The following NXT2 variants were observed in gnomAD, a reference collection of about 807,000 sequenced individuals.
NXT2 encodes the protein nuclear transport factor 2 like export factor 2, also known as NTF2-related export protein 2.
NXT2 carries 1 observed loss-of-function variant against 9.6 expected under a neutral mutation model. The observed-to-expected ratio is 0.10, with a 90% CI of 0.04 to 0.49. NXT2 has a LOEUF of 0.49. NXT2 is among the 20% of genes least tolerant of loss of function. NXT2 has a pLI of 0.95. For synonymous variants in NXT2, 22 were observed against 35.4 expected (o/e 0.62, Z 1.34); for missense variants, 48 against 100.3 (o/e 0.48, Z 2.23).
In NXT2 at chrX:109,538,066, C is replaced by A; in HGVS notation, c.37C>A (p.Gln13Lys). ...GTAGGATTTTAAAACTTATGTAGAT[C>A]AGGCATGTAGAGCTGCTGAGGAGTT... Reference protein sequence around the residue: ...TSLDFKTYVDQACRAAEEFVN... With the variant: ...TSLDFKTYVDKACRAAEEFVN... The change falls in exon 2 of 4, where the codon CAG becomes AAG. Residue 13 changes from glutamine to lysine, a missense_variant. Gln to Lys is a moderately conservative substitution (Grantham distance 53). Transcript: ENST00000372106. 8.3e-7 allele frequency: 1 copy of A among 1,198,425 alleles called. No individual in the cohort carries two copies. Among genetic ancestry groups the A allele is most frequent in the Non-Finnish European group, 1.1e-6 (1 of 884,130 alleles).
intron 1 of NXT2, among the ~76,000 whole-genome samples, chrX:109,537,642 AAAC>A (rs1425104455): frequency 1.8e-5 from 2 of 111,362 alleles, no homozygotes. Flanking sequence ...TGAAAACAGA[AAAC>A]AATTTCCTAG....
At chrX:109,538,278 G>T (rs1933331672) in intron 2 of NXT2, 147 bp downstream of exon 2, 2 of 384,620 alleles carry the variant, frequency 5.2e-6, no homozygotes, top group Non-Finnish European at 8.8e-6. Context: ...GGAAGGATTG[G>T]TATGGCATTA....
At chrX:109,542,189 T>C (rs1379876504) in intron 3 of NXT2, among the ~76,000 whole-genome samples, 1 of 111,407 alleles carries the variant, frequency 9.0e-6, no homozygotes, top group African/African-American at 3.3e-5. Flanking sequence ...ATGAATAAGC[T>C]CTGTTAGAAA....
intron 2 of NXT2, among the ~76,000 whole-genome samples, chrX:109,540,488 C>T (rs1263210037): frequency 9.1e-6 from 1 of 109,480 alleles, no homozygotes; most frequent in South Asian, 4.0e-4. Context: ...CCACCACGCC[C>T]GGCTAATTTT....
intron 1 of NXT2, chrX:109,537,279 TTTATGGCTTGCAGTTTCTTTCTCTC>T (rs1220873853): frequency 2.1e-6 from 2 of 969,820 alleles, no homozygotes; most frequent in Non-Finnish European, 2.6e-6. Flanking sequence ...GGGTTTGTTG[TTTATGGCTTGCAGTTTCTTTCTCTC>T]GATTATCTTC....
intron 2 of NXT2, among the ~76,000 whole-genome samples, chrX:109,540,802 T>C (rs185658132): frequency 4.3e-4 from 48 of 111,680 alleles, no homozygotes; most frequent in Admixed American, 2.6e-3. Flanking sequence ...AGAGTAGTAC[T>C]ATAGCCGAGC....
At chrX:109,537,185 G>T in intron 1 of NXT2, 164 bp downstream of exon 1, 1 of 1,054,185 alleles carries the variant, frequency 9.5e-7, no homozygotes, top group Non-Finnish European at 1.2e-6. Flanking sequence ...CGCCCTGCCG[G>T]CCCCACCCCC....
At chrX:109,537,382 A>T (rs970173281) in intron 1 of NXT2, 428 of 810,198 alleles carry the variant, frequency 5.3e-4, no homozygotes, top group Non-Finnish European at 6.1e-4. Context: ...ATTTAGTAAT[A>T]GACTGGGCCC....
At chrX:109,542,485 T>C (rs771270750) in intron 3 of NXT2, 22 bp from the exon 4 acceptor site, 1 of 1,143,603 alleles carries the variant, frequency 8.7e-7, no homozygotes, top group Non-Finnish European at 1.2e-6. Context: ...TGTGTTCTCT[T>C]TTTTTTTTAA....
upstream of NXT2, chrX:109,535,841 C>A: frequency 9.7e-7 from 1 of 1,029,771 alleles, no homozygotes; most frequent in Non-Finnish European, 1.3e-6. Flanking sequence ...GTTAGTCCTA[C>A]CTTGAAGAGA....
rs139869080 is a variant in NXT2 at position 109,541,609 on chromosome X, A to G, written c.237A>G (p.Gln79=). ...TCCAGGTCAATATGTTAGATTGCCA[A>G]CCAGTTCATGGTAAGATCATGATCT... The part of the protein sequence containing the change: ...SEFQVNMLDC[Q]PVHEQATQSQ... The change falls in exon 3 of 4, where the codon CAA becomes CAG. Residue 79 remains glutamine, a synonymous_variant. Transcript: ENST00000372106. 5.8e-6 allele frequency: 7 copies of G among 1,202,860 alleles called. No individual in the cohort carries two copies. The African/African-American group carries it at 7.0e-5, about 12-fold the overall frequency.
intron 2 of NXT2, among the ~76,000 whole-genome samples, chrX:109,540,812 C>G (rs1933403312): frequency 3.6e-5 from 4 of 111,446 alleles, no homozygotes; most frequent in African/African-American, 1.3e-4. Flanking sequence ...TATAGCCGAG[C>G]ATGGTATGAC....
chrX:109,537,402 A>G, intron 1 of NXT2: 3 of 777,840 alleles, frequency 3.9e-6, no homozygotes, highest in Non-Finnish European at 4.6e-6. Flanking sequence ...CCGTACATGA[A>G]TGAGAAGGAA....
chrX:109,540,312 CT>C (rs1277553349), intron 2 of NXT2, among the ~76,000 whole-genome samples: 1 of 109,084 alleles, frequency 9.2e-6, no homozygotes, highest in Non-Finnish European at 1.9e-5. Context: ...ATGTGTTGAC[CT>C]TTTTTTTTAT....
upstream of NXT2, chrX:109,535,934 A>C (rs763291868): frequency 8.3e-7 from 1 of 1,207,057 alleles, no homozygotes; most frequent in Non-Finnish European, 1.1e-6. Flanking sequence ...AGGATACCAA[A>C]GAAGAAGTAA....
chrX:109,543,860 A>AT lies in NXT2; in HGVS notation c.*1178dup, dbSNP rs894906686. 8 of 111,674 alleles carry AT rather than the reference A, an allele frequency of 7.2e-5. No homozygotes were observed. Among genetic ancestry groups the AT allele is most frequent in the African/African-American group, 2.6e-4 (8 of 30,756 alleles). 9.2% of individuals were successfully genotyped at this position (111,674 alleles called of 1,213,427 possible). A position where few individuals can be genotyped will look rare whatever the true frequency, so the allele number is the denominator to read the frequency against. On this transcript the variant is annotated 3_prime_UTR_variant, in exon 4 of 4. Transcript: ENST00000372106. The stretch of plus-strand genomic sequence containing the variant: ...GTATCACACATCCCCCAAATAAGTG[A>AT]TTTTTTCCCAGTGCTTTGTACTGTC...
At position 109,537,204 on chromosome X, in the gene NXT2, T is replaced by G. The variant is rs1933297448; in HGVS notation, c.15+183T>G. 4 of 1,033,374 alleles carry G rather than the reference T, an allele frequency of 3.9e-6. No individual in the cohort carries two copies. In the East Asian group the frequency reaches 1.5e-4, roughly 39 times the overall value. The allele number at this position is 1,033,374 out of a possible 1,213,427, so 85.2% of individuals were successfully genotyped here. A position where few individuals can be genotyped will look rare whatever the true frequency, so the allele number is the denominator to read the frequency against. On this transcript the variant is annotated intron_variant, in intron 1 of 3. Coordinates refer to ENST00000372106, the MANE Select transcript of NXT2 (RefSeq NM_001242617.2). Reference sequence around the variant, plus strand: ...CTGCCGGCCCCACCCCCAGCCTGGTTAGCAGTCGCTTTCTGATCCCGGAAA... The same window carrying G: ...CTGCCGGCCCCACCCCCAGCCTGGTGAGCAGTCGCTTTCTGATCCCGGAAA...
chrX:109,540,501 T>A (rs1273620448), intron 2 of NXT2, among the ~76,000 whole-genome samples: 1 of 109,324 alleles, frequency 9.1e-6, no homozygotes, highest in Non-Finnish European at 1.9e-5. Flanking sequence ...CTAATTTTTG[T>A]AGTTTTAGTA....
At chrX:109,542,483 C>CTTTTTTTTTT in intron 3 of NXT2, 24 bp from the exon 4 acceptor site, 1 of 909,947 alleles carries the variant, frequency 1.1e-6, no homozygotes. Flanking sequence ...GATGTGTTCT[C>CTTTTTTTTTT]TTTTTTTTTT....
Sources: gnomAD v4.1 joint callset for allele counts (sites outside exome capture counted in the v4.1 genomes callset) on GRCh38, gnomAD v4.1.1 for gene constraint, MANE v1.5 for transcripts, NCBI Gene and HGNC (gene_info 2026-07-23, HGNC 2026-07-21) for gene names.